NUP35: variants seen among roughly 807,000 people sequenced by gnomAD.
NUP35 encodes nucleoporin 35, also known as nucleoporin NUP35.
A neutral mutation model predicts 41.5 loss-of-function variants in NUP35; 25 were observed. That is an observed-to-expected ratio of 0.60 (90% CI 0.44 to 0.84). The LOEUF is 0.84. Among genes scored for constraint, NUP35 ranks in the 40% least tolerant of loss-of-function variants. The pLI is 0.00. For synonymous variants in NUP35, 149 were observed against 130.7 expected (o/e 1.14, Z -0.96); for missense variants, 396 against 396.6 (o/e 1.00, Z 0.01).
chr2:183,127,536 C>CT, intron 1 of NUP35, among the ~76,000 whole-genome samples: 1 of 152,240 alleles, frequency 6.6e-6, no homozygotes, highest in East Asian at 1.9e-4. Flanking sequence ...TGTAAGTGCT[C>CT]TAATATATGC....
chr2:183,122,040 T>G (rs1202239739), upstream of NUP35, among the ~76,000 whole-genome samples: 2 of 150,614 alleles, frequency 1.3e-5, no homozygotes, highest in Non-Finnish European at 3.0e-5. Flanking sequence ...CTTTTCTACT[T>G]TACTGTTAAT....
rs1684773002 is a variant in NUP35, at chr2:183,133,592, T to C, written c.366T>C (p.Pro122=). ...CAAACATTTCAGTAATGCAGAGTCC[T>C]CTTGTTGGAGTTACATCTACTCCTG... ...RQPNISVMQS[P]LVGVTSTPGT... Residue 122 remains proline, a synonymous_variant, in exon 4 of 9, where the codon CCT becomes CCC. Transcript: ENST00000295119. The C allele has an allele frequency of 6.2e-7, 1 of 1,601,116 alleles. No individual in the cohort carries two copies. The highest frequency in any genetic ancestry group is 8.5e-7 in the Non-Finnish European group (1 of 1,176,100).
chr2:183,119,030 T>A (rs940117369), intron 1 of NUP35: 1 of 152,218 alleles, frequency 6.6e-6, no homozygotes, highest in African/African-American at 2.4e-5. Flanking sequence ...GGAGGTCAGA[T>A]ACCAGTTAAA....
intron 4 of NUP35, among the ~76,000 whole-genome samples, chr2:183,134,825 C>T (rs1410320557): frequency 2.6e-5 from 4 of 151,244 alleles, no homozygotes; most frequent in Non-Finnish European, 2.9e-5. Context: ...GGGGTGTCAC[C>T]GTCTTGGCCA....
At chr2:183,141,316 T>TAATCACATCTGC (rs1685089307) in intron 4 of NUP35, among the ~76,000 whole-genome samples, 1 of 152,346 alleles carries the variant, frequency 6.6e-6, no homozygotes, top group Non-Finnish European at 1.5e-5. Flanking sequence ...TGAGGATCTG[T>TAATCACATCTGC]AATCACATCT....
intron 3 of NUP35, chr2:183,131,101 G>C (rs1192596827): frequency 2.8e-6 from 1 of 361,624 alleles, no homozygotes; most frequent in Non-Finnish European, 5.8e-6. Flanking sequence ...TGCCTCAACT[G>C]TCCTATTGGG....
At chr2:183,151,481 A>G in intron 4 of NUP35, 27 bp from the exon 5 acceptor site, 1 of 1,606,424 alleles carries the variant, frequency 6.2e-7, no homozygotes, top group South Asian at 1.1e-5. Context: ...TACACTGGCA[A>G]CTAACTTGCT....
intron 4 of NUP35, among the ~76,000 whole-genome samples, chr2:183,144,351 A>G (rs763914509): frequency 6.6e-6 from 1 of 152,228 alleles, no homozygotes; most frequent in Non-Finnish European, 1.5e-5. Flanking sequence ...GGTTGAGTTC[A>G]GTCTCCAGTC....
intron 4 of NUP35, among the ~76,000 whole-genome samples, chr2:183,135,328 C>G (rs1267066484): frequency 6.6e-6 from 1 of 152,098 alleles, no homozygotes. Flanking sequence ...GAATAGTATT[C>G]TAGACGGAGG....
At chr2:183,152,526 C>T (rs930272869) in intron 5 of NUP35, among the ~76,000 whole-genome samples, 20 of 152,284 alleles carry the variant, frequency 1.3e-4, no homozygotes, top group African/African-American at 4.3e-4. Flanking sequence ...TGAGTGAGAA[C>T]ATATGATGTT....
At chr2:183,124,379 C>A (rs368360707), upstream of NUP35, 138 of 1,612,992 alleles carry the variant, frequency 8.6e-5, no homozygotes, top group Non-Finnish European at 1.1e-4. Flanking sequence ...GGTAGCACGC[C>A]GTTACCCGTG....
At chr2:183,127,260 T>G (rs1684525526) in intron 1 of NUP35, among the ~76,000 whole-genome samples, 1 of 151,908 alleles carries the variant, frequency 6.6e-6, no homozygotes. Flanking sequence ...TAGGGGGATA[T>G]TTAATGATGA....
upstream of NUP35, among the ~76,000 whole-genome samples, chr2:183,121,242 G>A (rs1016559581): frequency 2.6e-5 from 4 of 152,016 alleles, no homozygotes; most frequent in African/African-American, 7.2e-5. Flanking sequence ...GTTTTATTTC[G>A]GAAGAGCATT....
chr2:183,132,992 G>C (rs556263529), intron 3 of NUP35, among the ~76,000 whole-genome samples: 5 of 152,206 alleles, frequency 3.3e-5, no homozygotes, highest in African/African-American at 1.2e-4. Flanking sequence ...CTCATTTATT[G>C]ATTGGATATT....
chr2:183,117,577 C>A (rs1364816447), exon 1 of NUP35: 1 of 152,186 alleles, frequency 6.6e-6, no homozygotes, highest in Non-Finnish European at 1.5e-5. Context: ...TCCCCTTGCT[C>A]TCTTTCTGAA....
At chr2:183,136,591 A>G (rs1020898768) in intron 4 of NUP35, among the ~76,000 whole-genome samples, 10 of 152,212 alleles carry the variant, frequency 6.6e-5, no homozygotes, top group African/African-American at 2.2e-4. Context: ...TATGCTTCAT[A>G]TATCTCTAAC....
rs1479607018 is a variant in NUP35, at chr2:183,155,502, C to T, written c.540-1942C>T. On this transcript the variant is annotated intron_variant, in intron 5 of 8. Transcript: ENST00000295119. Reference sequence around the variant, plus strand: ...AGAAAGTCCATACTCAGTCCTATATCCATAGCAATTGGGCTGGTGTGTTTT... The same window carrying T: ...AGAAAGTCCATACTCAGTCCTATATTCATAGCAATTGGGCTGGTGTGTTTT... Among the ~76,000 whole-genome samples, 10 of 151,838 alleles carry T rather than the reference C, an allele frequency of 6.6e-5. No individual in the cohort carries two copies. In the East Asian group the frequency reaches 1.7e-3, roughly 26 times the overall value.
At chr2:183,145,694 T>C (rs1685254862) in intron 4 of NUP35, among the ~76,000 whole-genome samples, 1 of 152,160 alleles carries the variant, frequency 6.6e-6, no homozygotes, top group Admixed American at 6.5e-5. Context: ...ACTCCAACAA[T>C]AAAATGGGAC....
At chr2:183,141,128 T>A (rs1381244228) in intron 4 of NUP35, among the ~76,000 whole-genome samples, 1 of 152,142 alleles carries the variant, frequency 6.6e-6, no homozygotes, top group East Asian at 1.9e-4. Context: ...TGTTTTTTTT[T>A]TTTTCCTCAG....
Sources: allele counts gnomAD v4.1 joint callset (sites outside exome capture counted in the v4.1 genomes callset), GRCh38; gene constraint gnomAD v4.1.1; transcripts MANE v1.5; gene names NCBI Gene and HGNC (gene_info 2026-07-23, HGNC 2026-07-21).